TENM2: variants seen among roughly 807,000 people sequenced by gnomAD.
TENM2 encodes the protein teneurin-2.
Under a neutral mutation model 245.2 loss-of-function variants are expected in TENM2, and 52 were observed. The ratio of observed to expected loss-of-function variants is 0.21; its 90% confidence interval spans 0.17 to 0.27. The LOEUF (loss-of-function observed/expected upper bound fraction) is 0.27. TENM2 is among the 10% of genes least tolerant of loss of function. The pLI is 1.00. For missense variants in TENM2, 3,046 were observed against 3,666.8 expected (o/e 0.83, Z 4.37); for synonymous variants, 1,363 against 1,438.9 (o/e 0.95, Z 1.19).
At chr5:167,680,372 T>A (rs1013346378) in intron 2 of TENM2, among the ~76,000 whole-genome samples, 2 of 151,264 alleles carry the variant, frequency 1.3e-5, no homozygotes, top group South Asian at 4.2e-4. Flanking sequence ...AAAGGCATTA[T>A]AAAGACTGGG....
chr5:167,872,343 A>G (rs868553288), intron 2 of TENM2, among the ~76,000 whole-genome samples: 2 of 137,274 alleles, frequency 1.5e-5, no homozygotes, highest in African/African-American at 2.8e-5. Context: ...AGAAAGAAAG[A>G]AAGAAAGAAA....
At chr5:168,136,487 C>T (rs1755057804) in intron 12 of TENM2, among the ~76,000 whole-genome samples, 1 of 152,216 alleles carries the variant, frequency 6.6e-6, no homozygotes, top group Non-Finnish European at 1.5e-5. Flanking sequence ...TTGTGTTCCC[C>T]CGTGCCAGCA....
At chr5:168,098,867 A>G (rs1793579138) in intron 9 of TENM2, among the ~76,000 whole-genome samples, 1 of 151,942 alleles carries the variant, frequency 6.6e-6, no homozygotes, top group Non-Finnish European at 1.5e-5. Context: ...AACAAAACTC[A>G]CAAAATGATA....
intron 17 of TENM2, 49 bp from the exon 20 acceptor site, chr5:168,203,640 G>C: frequency 1.3e-6 from 2 of 1,528,228 alleles, no homozygotes; most frequent in Non-Finnish European, 1.8e-6. Flanking sequence ...GAGTAATCAA[G>C]TAAACTCTCT....
chr5:167,859,141 G>GGC (rs1771407176), intron 2 of TENM2, among the ~76,000 whole-genome samples: 3 of 120,810 alleles, frequency 2.5e-5, no homozygotes, highest in Non-Finnish European at 5.4e-5. Context: ...GGGATGTGAG[G>GGC]AGCGCCTCTG....
the TENM2 span, among the ~76,000 whole-genome samples, chr5:167,205,946 C>T: frequency 6.6e-6 from 1 of 152,196 alleles, no homozygotes; most frequent in Non-Finnish European, 1.5e-5. Flanking sequence ...CTGCTCTCAG[C>T]TAAGAGAAAG....
Position 167,286,974 on chromosome 5 carries a change from C to T in TENM2, c.226+1911C>T, listed in dbSNP as rs182034647. Among the ~76,000 whole-genome samples the T allele has an allele frequency of 1.2e-3, 180 of 152,234 alleles. 4 individuals carry two copies. The highest frequency in any genetic ancestry group is 2.5e-4 in the Non-Finnish European group (17 of 68,030). On this transcript the variant is annotated intron_variant, in intron 1 of 28. Transcript: ENST00000518659. Reference sequence around the variant, plus strand: ...TTTGCAATTAACAATTCACACATGCCGCATGTTGTTATTGAGCCCATATTT... The same window carrying T: ...TTTGCAATTAACAATTCACACATGCTGCATGTTGTTATTGAGCCCATATTT...
At chr5:166,983,811 G>A in the TENM2 span, among the ~76,000 whole-genome samples, 28 of 152,050 alleles carry the variant, frequency 1.8e-4, no homozygotes, top group Non-Finnish European at 1.0e-4. Flanking sequence ...TTTGAGAGAC[G>A]CTTGAGTCAC....
At chr5:167,042,270 C>T in the TENM2 span, among the ~76,000 whole-genome samples, 1 of 152,164 alleles carries the variant, frequency 6.6e-6, no homozygotes, top group African/African-American at 2.4e-5. Context: ...CACCTTATTG[C>T]TCACCACGTT....
the TENM2 span, among the ~76,000 whole-genome samples, chr5:167,060,685 G>A: frequency 1.3e-5 from 2 of 149,354 alleles, no homozygotes; most frequent in Admixed American, 6.7e-5. Flanking sequence ...CATTAAATTT[G>A]ATATATGTAT....
chr5:167,151,554 C>T, the TENM2 span, among the ~76,000 whole-genome samples: 6 of 152,274 alleles, frequency 3.9e-5, no homozygotes, highest in African/African-American at 1.4e-4. Flanking sequence ...GAGTCTTTCT[C>T]TGTCACCAGG....
intron 2 of TENM2, among the ~76,000 whole-genome samples, chr5:167,403,002 CTG>C (rs1762443734): frequency 6.6e-6 from 1 of 152,216 alleles, no homozygotes; most frequent in East Asian, 1.9e-4. Context: ...AAGCTCCAAA[CTG>C]TGCAGCTTTT....
At chr5:167,131,202 A>G in the TENM2 span, among the ~76,000 whole-genome samples, 1 of 152,152 alleles carries the variant, frequency 6.6e-6, no homozygotes, top group Non-Finnish European at 1.5e-5. Flanking sequence ...ACCATGGTAC[A>G]AACATTTTTA....
intron 2 of TENM2, among the ~76,000 whole-genome samples, chr5:167,790,799 A>G (rs919294236): frequency 6.6e-6 from 1 of 152,186 alleles, no homozygotes; most frequent in African/African-American, 2.4e-5. Context: ...CCTTTGCCCT[A>G]AGCCCCCAGG....
chr5:168,253,129 G>A (rs1316913698), intron 27 of TENM2, among the ~76,000 whole-genome samples: 3 of 151,896 alleles, frequency 2.0e-5, no homozygotes, highest in African/African-American at 7.2e-5. Context: ...ACCACGCCCA[G>A]CTAATTTTTT....
intron 2 of TENM2, among the ~76,000 whole-genome samples, chr5:167,402,986 G>A (rs1443160511): frequency 6.6e-6 from 1 of 152,052 alleles, no homozygotes; most frequent in Non-Finnish European, 1.5e-5. Flanking sequence ...ACACAGGAAG[G>A]CCTGAAAGCT....
chr5:168,109,662 G>A (rs1257861359), intron 9 of TENM2, among the ~76,000 whole-genome samples: 1 of 152,204 alleles, frequency 6.6e-6, no homozygotes, highest in Admixed American at 6.5e-5. Flanking sequence ...CACGCCAGAC[G>A]TTCTGAGTCA....
intron 1 of TENM2, among the ~76,000 whole-genome samples, chr5:167,302,441 G>A (rs1022906075): frequency 2.6e-5 from 4 of 151,766 alleles, no homozygotes; most frequent in African/African-American, 9.7e-5. Flanking sequence ...GGGGTTTGGG[G>A]GTTCTTACCC....
chr5:167,004,528 A>G, the TENM2 span, among the ~76,000 whole-genome samples: 1 of 152,226 alleles, frequency 6.6e-6, no homozygotes, highest in Non-Finnish European at 1.5e-5. Flanking sequence ...AAAGGAAGAT[A>G]GTAAAAGGAA....
Sources: gnomAD v4.1 joint callset for allele counts (sites outside exome capture counted in the v4.1 genomes callset) on GRCh38, gnomAD v4.1.1 for gene constraint, MANE v1.5 for transcripts, NCBI Gene and HGNC (gene_info 2026-07-23, HGNC 2026-07-21) for gene names.